Variants in RGS7 observed in about 807,000 individuals in gnomAD.
The protein encoded by RGS7 is regulator of G-protein signaling 7.
In RGS7, 27 loss-of-function variants were observed where a neutral mutation model predicts 81.1. The observed-to-expected ratio is 0.33, with a 90% CI of 0.25 to 0.46. The LOEUF (loss-of-function observed/expected upper bound fraction) is 0.46. RGS7 is among the 20% of genes least tolerant of loss of function. The probability of loss-of-function intolerance (pLI) is 1.00; values close to 1 mark genes in which losing one functional copy is unlikely to be tolerated. For missense variants in RGS7, 396 were observed against 607.4 expected, an observed-to-expected ratio of 0.65 and a Z score of 3.66; for synonymous variants, 208 against 207.7, an observed-to-expected ratio of 1.00 and a Z score of -0.01.
Position 240,868,141 on chromosome 1 carries a change from A to C in RGS7, c.609+446T>G, listed in dbSNP as rs890787057. Among the ~76,000 whole-genome samples, 1 of 119,336 alleles carries C rather than the reference A, an allele frequency of 8.4e-6. No individual in the cohort carries two copies. The highest frequency in any genetic ancestry group is 1.6e-5 in the Non-Finnish European group (1 of 62,228). The allele number at this position is 119,336 out of a possible 152,430, so 78.3% of individuals were successfully genotyped here. A position where few individuals can be genotyped will look rare whatever the true frequency, so the allele number is the denominator to read the frequency against. ...AGGAAAGAAAGAAAGAAAGAAAGAAAGAAAGAAAGAAAGAAAGGACGGAGG... is the reference window on the plus strand; with the variant it reads ...AGGAAAGAAAGAAAGAAAGAAAGAACGAAAGAAAGAAAGAAAGGACGGAGG... On this transcript the variant is annotated intron_variant, in intron 9 of 18. Coordinates refer to ENST00000440928, the MANE Select transcript of RGS7 (RefSeq NM_001364886.1). The surrounding 1 kb of genome is among the most constrained non-coding windows in gnomAD (Gnocchi z 5.1).
intron 2 of RGS7, among the ~76,000 whole-genome samples, chr1:241,309,406 GA>G (rs1363426805): frequency 2.4e-5 from 3 of 125,038 alleles, no homozygotes; most frequent in African/African-American, 2.9e-5. Context: ...AAAAAAAAAG[GA>G]AAAAGAAAAA....
intron 2 of RGS7, among the ~76,000 whole-genome samples, chr1:241,339,829 AG>A (rs2082437819): frequency 6.6e-6 from 1 of 152,116 alleles, no homozygotes; most frequent in African/African-American, 2.4e-5. Context: ...GCAGTGTAGG[AG>A]CCTGGGAGCT....
intron 3 of RGS7, among the ~76,000 whole-genome samples, chr1:241,037,882 T>A (rs1282842471): frequency 6.6e-6 from 1 of 152,130 alleles, no homozygotes. Context: ...AACCAAATAT[T>A]GTATGTTCTC....
At chr1:241,001,951 C>T (rs1356150813) in intron 3 of RGS7, among the ~76,000 whole-genome samples, 4 of 151,948 alleles carry the variant, frequency 2.6e-5, no homozygotes, top group Non-Finnish European at 4.4e-5. Flanking sequence ...GTGATAATGA[C>T]GCGTCAGTGC....
chr1:240,798,672 G>T (rs1687480269), intron 18 of RGS7, among the ~76,000 whole-genome samples: 2 of 152,056 alleles, frequency 1.3e-5, no homozygotes, highest in African/African-American at 4.8e-5. Context: ...TAAAATAATG[G>T]CTATAATAAT....
chr1:240,776,675 T>G (rs1342465939), intron 18 of RGS7, among the ~76,000 whole-genome samples: 1 of 152,182 alleles, frequency 6.6e-6, no homozygotes. Context: ...TATCTAGAAA[T>G]GTAGAGGATA....
chr1:240,785,341 C>T (rs896889500), intron 18 of RGS7, among the ~76,000 whole-genome samples: 1 of 152,150 alleles, frequency 6.6e-6, no homozygotes, highest in Non-Finnish European at 1.5e-5. Context: ...GATGAACTTC[C>T]TATCTATGTC....
At chr1:240,873,887 T>A (rs1664909541) in intron 6 of RGS7, among the ~76,000 whole-genome samples, 1 of 152,220 alleles carries the variant, frequency 6.6e-6, no homozygotes, top group African/African-American at 2.4e-5. Flanking sequence ...TTTTTCTCTT[T>A]TAATGTTTAG....
At chr1:241,220,648 G>C (rs2074837405) in intron 2 of RGS7, among the ~76,000 whole-genome samples, 1 of 152,018 alleles carries the variant, frequency 6.6e-6, no homozygotes, top group Non-Finnish European at 1.5e-5. Context: ...CTCTAACCTT[G>C]GGGCAGGTGG....
At chr1:241,175,994 G>T (rs2071113071) in intron 2 of RGS7, among the ~76,000 whole-genome samples, 1 of 152,168 alleles carries the variant, frequency 6.6e-6, no homozygotes, top group African/African-American at 2.4e-5. Context: ...GGTGCTATCA[G>T]TATAAGGCAA....
At chr1:240,859,094 T>A (rs1161406250) in intron 9 of RGS7, among the ~76,000 whole-genome samples, 2 of 152,226 alleles carry the variant, frequency 1.3e-5, no homozygotes, top group Non-Finnish European at 2.9e-5. Context: ...AATTCATCAG[T>A]GAACCCATCT....
chr1:241,220,920 A>G (rs2074855426), intron 2 of RGS7, among the ~76,000 whole-genome samples: 1 of 148,744 alleles, frequency 6.7e-6, no homozygotes, highest in Non-Finnish European at 1.5e-5. Flanking sequence ...AAAGGAAAGG[A>G]AGAAAGGAAG....
intron 4 of RGS7, among the ~76,000 whole-genome samples, chr1:240,958,059 G>T (rs371867465): frequency 5.9e-5 from 9 of 152,276 alleles, no homozygotes; most frequent in Admixed American, 3.9e-4. Context: ...CTAGGCATGT[G>T]GTGGCTGGGC....
intron 12 of RGS7, 133 bp downstream of exon 12, chr1:240,814,583 A>C: frequency 1.5e-6 from 1 of 663,896 alleles, no homozygotes; most frequent in Non-Finnish European, 2.7e-6. Flanking sequence ...CAAAAAGGAA[A>C]ACAAAATCAC....
intron 3 of RGS7, chr1:240,998,398 T>A (rs1227475942): frequency 2.7e-5 from 6 of 224,900 alleles, no homozygotes; most frequent in Non-Finnish European, 5.1e-5. Flanking sequence ...CTTCAAGTAC[T>A]TTTTTTTTTT....
chr1:240,974,694 G>A (rs1046962674), intron 4 of RGS7, among the ~76,000 whole-genome samples: 8 of 152,180 alleles, frequency 5.3e-5, no homozygotes, highest in Non-Finnish European at 8.8e-5. Flanking sequence ...CTGAATTATG[G>A]AAGAAAGGCT....
At chr1:241,012,922 T>C (rs2059033142) in intron 3 of RGS7, among the ~76,000 whole-genome samples, 1 of 152,150 alleles carries the variant, frequency 6.6e-6, no homozygotes, top group African/African-American at 2.4e-5. Flanking sequence ...CATAACAAGA[T>C]AGCCTTTGCT....
intron 18 of RGS7, among the ~76,000 whole-genome samples, chr1:240,786,695 G>T (rs1209101435): frequency 6.6e-6 from 1 of 152,118 alleles, no homozygotes; most frequent in Non-Finnish European, 1.5e-5. Flanking sequence ...GCCCTGCTCT[G>T]CAAGGAACAA....
chr1:241,034,283 C>G (rs610050), intron 3 of RGS7, among the ~76,000 whole-genome samples: 1 of 151,958 alleles, frequency 6.6e-6, no homozygotes, highest in South Asian at 2.1e-4. Flanking sequence ...CCCATTCATA[C>G]GCTTATATTT....
Sources: gnomAD v4.1 joint callset for allele counts (sites outside exome capture counted in the v4.1 genomes callset) on GRCh38, gnomAD v4.1.1 for gene constraint, Gnocchi (gnomAD v3.1) non-coding constraint, MANE v1.5 for transcripts, NCBI Gene and HGNC (gene_info 2026-07-23, HGNC 2026-07-21) for gene names.